PLCG2: variants seen among roughly 807,000 people sequenced by gnomAD.
The protein encoded by PLCG2 is phospholipase C gamma 2.
A neutral mutation model predicts 175.6 loss-of-function variants in PLCG2; 69 were observed. The ratio of observed to expected loss-of-function variants is 0.39; its 90% CI spans 0.32 to 0.48. The LOEUF is 0.48. Among genes scored for constraint, PLCG2 ranks in the 20% least tolerant of loss-of-function variants. The pLI is 0.91. For missense variants in PLCG2, 1,798 were observed against 1,650.9 expected, an observed-to-expected ratio of 1.09 and a Z score of -1.54; for synonymous variants, 827 against 624.0, an observed-to-expected ratio of 1.33 and a Z score of -4.85.
intron 22 of PLCG2, among the ~76,000 whole-genome samples, chr16:81,924,486 C>T (rs949845704): frequency 1.3e-5 from 2 of 152,108 alleles, no homozygotes; most frequent in South Asian, 2.1e-4. Context: ...TGCATTTTAC[C>T]GATGAGGAAA....
chr16:81,867,191 G>A (rs747913317), intron 5 of PLCG2, among the ~76,000 whole-genome samples: 1 of 152,206 alleles, frequency 6.6e-6, no homozygotes, highest in Non-Finnish European at 1.5e-5. Context: ...GCAGTGACGC[G>A]CTACTTCCTT....
chr16:81,742,971 C>T (rs1314033025), intron 1 of PLCG2, among the ~76,000 whole-genome samples: 3 of 152,184 alleles, frequency 2.0e-5, no homozygotes, highest in Admixed American at 6.5e-5. Flanking sequence ...TTCTCGATAC[C>T]TGCTTCACAG....
At chr16:81,748,500 C>A (rs1417225754) in intron 1 of PLCG2, among the ~76,000 whole-genome samples, 9 of 151,366 alleles carry the variant, frequency 5.9e-5, no homozygotes, top group Non-Finnish European at 1.0e-4. Flanking sequence ...AAAGGAGACA[C>A]AAGAAAGAGG....
In PLCG2 at chr16:81,786,159, C is replaced by A. The variant is rs1429527089; in HGVS notation, c.170C>A (p.Thr57Asn). The change falls in exon 2 of 33, where the codon ACC (threonine) becomes AAC (asparagine). Residue 57 changes from threonine (T) to asparagine (N), a missense_variant. By Grantham distance (65) the Thr-to-Asn change is moderately conservative (BLOSUM62 0). Coordinates refer to ENST00000564138, the MANE Select transcript of PLCG2 (RefSeq NM_002661.5). ...METRQVAWSK[T>N]ADKIEGFLDI... Reference sequence around the variant, plus strand: ...ACGCGGCAGGTGGCCTGGAGCAAGACCGCTGACAAGATCGAGGGCTTCTGT... The same window carrying A: ...ACGCGGCAGGTGGCCTGGAGCAAGAACGCTGACAAGATCGAGGGCTTCTGT... 1 of 1,614,124 alleles carries A rather than the reference C, an allele frequency of 6.2e-7. No individual in the cohort carries two copies. Among genetic ancestry groups the A allele is most frequent in the East Asian group, 2.2e-5 (1 of 44,878 alleles).
At chr16:81,801,605 T>G (rs1422822492) in intron 2 of PLCG2, among the ~76,000 whole-genome samples, 1 of 152,252 alleles carries the variant, frequency 6.6e-6, no homozygotes, top group African/African-American at 2.4e-5. Context: ...TGTTTGAAAT[T>G]ACTATAGGAT....
intron 7 of PLCG2, among the ~76,000 whole-genome samples, chr16:81,872,180 T>C (rs1462866833): frequency 6.6e-6 from 1 of 152,050 alleles, no homozygotes; most frequent in East Asian, 1.9e-4. Flanking sequence ...ATACAAAAAT[T>C]AGCCAGGCAT....
At chr16:81,906,549 A>C (rs2143646125) in intron 15 of PLCG2, among the ~76,000 whole-genome samples, 1 of 152,262 alleles carries the variant, frequency 6.6e-6, no homozygotes, top group South Asian at 2.1e-4. Flanking sequence ...TCATCTTCCC[A>C]AGTAACTGGG....
intron 12 of PLCG2, 32 bp from the exon 13 acceptor site, chr16:81,895,775 T>G (rs2143615251): frequency 6.2e-7 from 1 of 1,613,266 alleles, no homozygotes; most frequent in South Asian, 1.1e-5. Context: ...TGAACACACG[T>G]GGTATTGAGG....
At chr16:81,850,996 C>T (rs1273544148) in intron 2 of PLCG2, among the ~76,000 whole-genome samples, 1 of 152,144 alleles carries the variant, frequency 6.6e-6, no homozygotes, top group Non-Finnish European at 1.5e-5. Context: ...ATGGGGTCCC[C>T]ACTTGTTATG....
At chr16:81,949,548 A>G (rs1911284394) in intron 31 of PLCG2, among the ~76,000 whole-genome samples, 1 of 152,198 alleles carries the variant, frequency 6.6e-6, no homozygotes, top group Non-Finnish European at 1.5e-5. Flanking sequence ...GGTATGCAAT[A>G]TTTTAGATAT....
At chr16:81,901,406 T>C (rs180819449) in intron 14 of PLCG2, among the ~76,000 whole-genome samples, 8 of 152,302 alleles carry the variant, frequency 5.3e-5, no homozygotes, top group African/African-American at 1.9e-4. Context: ...AGAGTTTATT[T>C]CTTCCCCATG....
Position 81,785,920 on chromosome 16 carries a change from A to G in PLCG2, c.-47-23A>G, listed in dbSNP as rs530142575. The G allele has an allele frequency of 4.9e-5, 69 of 1,419,286 alleles. No individual in the cohort carries two copies. In the South Asian group the frequency reaches 8.6e-4, roughly 18 times the overall value. 87.9% of individuals were successfully genotyped at this position (1,419,286 alleles called of 1,614,324 possible). On this transcript the variant is annotated intron_variant, in intron 1 of 32. Transcript: ENST00000564138. ...CCCCTTTCAGTACTAAAATCAGTTC[A>G]CTCTTTAATTCTGCCCTTTCAGCTT...
rs189922232 is a variant in PLCG2 at position 81,744,620 on chromosome 16, C to T, written c.-145+5235C>T. Among the ~76,000 whole-genome samples, 3 of 151,492 alleles carry T rather than the reference C, an allele frequency of 2.0e-5. No homozygotes were observed. In the East Asian group the frequency reaches 5.8e-4, roughly 29 times the overall value. On this transcript the variant is annotated intron_variant, in intron 1 of 5. Transcript: ENST00000565054. ...GCAAGTTTGTTTTTTTTAAGATAGT[C>T]GTGCTCTGTCACCCAGACCATGGCT...
chr16:81,942,576 G>GGAAGGAAAGCAGCAGCCTTT (rs1216364523), intron 30 of PLCG2, among the ~76,000 whole-genome samples: 4 of 152,170 alleles, frequency 2.6e-5, no homozygotes, highest in Non-Finnish European at 5.9e-5. Context: ...TTGGAGCGCA[G>GGAAGGAAAGCAGCAGCCTTT]GAAGGAAAGC....
At chr16:81,889,455 TACTGTA>T in intron 10 of PLCG2, 182 bp downstream of exon 10, 1 of 539,986 alleles carries the variant, frequency 1.9e-6, no homozygotes, top group Non-Finnish European at 3.4e-6. Context: ...GGTTCTAGAT[TACTGTA>T]ACTGTAACTG....
At chr16:81,885,361 C>T (rs904104835) in intron 9 of PLCG2, among the ~76,000 whole-genome samples, 1 of 152,022 alleles carries the variant, frequency 6.6e-6, no homozygotes, top group East Asian at 1.9e-4. Flanking sequence ...ACAGGATTTC[C>T]CCATGTTGCT....
chr16:81,834,979 G>A (rs1309987910), intron 2 of PLCG2, among the ~76,000 whole-genome samples: 1 of 152,110 alleles, frequency 6.6e-6, no homozygotes, highest in Non-Finnish European at 1.5e-5. Context: ...CAGACCCTGT[G>A]GGCAGGGGAA....
intron 2 of PLCG2, among the ~76,000 whole-genome samples, chr16:81,810,391 C>T (rs942966251): frequency 2.6e-5 from 4 of 152,180 alleles, no homozygotes; most frequent in African/African-American, 4.8e-5. Context: ...GCTTGGCCTT[C>T]GTTATTTGCA....
In PLCG2 at chr16:81,875,846, G is replaced by C. The variant is rs1597367772; in HGVS notation, c.648+4911G>C. 5.9e-5 allele frequency among the ~76,000 whole-genome samples: 9 copies of C among 152,224 alleles called. No individual in the cohort carries two copies. In the South Asian group the frequency reaches 1.9e-3, roughly 32 times the overall value. ...AAGGCATTGAAGGATTATTCTGCCG[G>C]ATTTTACATGGGTGTGAGCATGGGG... On this transcript the variant is annotated intron_variant, in intron 7 of 32. Coordinates refer to ENST00000564138, the MANE Select transcript of PLCG2 (RefSeq NM_002661.5).
Sources: gnomAD v4.1 joint callset for allele counts (sites outside exome capture counted in the v4.1 genomes callset) on GRCh38, gnomAD v4.1.1 for gene constraint, MANE v1.5 for transcripts, NCBI Gene and HGNC (gene_info 2026-07-23, HGNC 2026-07-21) for gene names.